Variants in MYADM observed in about 807,000 individuals in gnomAD.
MYADM encodes myeloid-associated differentiation marker.
For synonymous variants in MYADM, 224 were observed against 210.2 expected (o/e 1.07, Z -0.57); for missense variants, 416 against 443.4 (o/e 0.94, Z 0.56).
chr19:53,873,969 C>T lies in MYADM; in HGVS notation c.440C>T (p.Ala147Val), dbSNP rs746019741. Residue 147 changes from alanine (A) to valine (V), a missense_variant, in exon 3 of 3, where the codon GCG (alanine) becomes GTG (valine). Coordinates refer to ENST00000391770, the MANE Select transcript of MYADM (RefSeq NM_138373.5). The surrounding 1 kb of genome is among the most constrained non-coding windows in gnomAD (Gnocchi z 4.3). ...GCCGCCACCTTCTTCTCCTGCATCGCGTGTGTGGCTTACGCCACCGAAGTG... is the reference window on the plus strand; with the variant it reads ...GCCGCCACCTTCTTCTCCTGCATCGTGTGTGTGGCTTACGCCACCGAAGTG... ...AIAATFFSCIACVAYATEVAW... is the reference protein window; with the variant it reads ...AIAATFFSCIVCVAYATEVAW... The T allele has an allele frequency of 1.6e-5, 26 of 1,609,946 alleles. 1 individual carries two copies. The highest frequency in any genetic ancestry group is 1.5e-4 in the South Asian group (14 of 91,092).
In MYADM at chr19:53,873,940, C is replaced by T. The variant is rs1477429273; in HGVS notation, c.411C>T (p.Ala137=). 6.2e-7 allele frequency: 1 copy of T among 1,611,296 alleles called. No individual in the cohort carries two copies. The part of the protein sequence containing the change: ...FLSHGRSRDH[A]IAATFFSCIA... ...CCCACGGCCGTTCGCGGGACCACGCCATCGCCGCCACCTTCTTCTCCTGCA... is the reference window on the plus strand; with the variant it reads ...CCCACGGCCGTTCGCGGGACCACGCTATCGCCGCCACCTTCTTCTCCTGCA... The change falls in exon 3 of 3, where the codon GCC becomes GCT. Residue 137 remains alanine (A), a synonymous_variant. Transcript: ENST00000391770. The surrounding 1 kb of genome is among the most constrained non-coding windows in gnomAD (Gnocchi z 4.3).
Position 53,874,740 on chromosome 19 carries a change from T to C in MYADM, c.*242T>C. 2.3e-6 allele frequency: 1 copy of C among 426,050 alleles called. No homozygotes were observed. The highest frequency in any genetic ancestry group is 4.3e-6 in the Non-Finnish European group (1 of 233,738). 26.4% of individuals were successfully genotyped at this position (426,050 alleles called of 1,614,324 possible). The stretch of plus-strand genomic sequence containing the variant: ...GTTGTTTTGTTGCCCACATCCTGTT[T>C]TCACCCCTGAGCTGTTTCTCTTTTT... On this transcript the variant is annotated 3_prime_UTR_variant, in exon 3 of 3. Coordinates refer to ENST00000391770, the MANE Select transcript of MYADM (RefSeq NM_138373.5).
In MYADM at chr19:53,874,330, T is replaced by TGGC. The variant is rs749826252; in HGVS notation, c.805_807dup (p.Gly269dup). 6.2e-7 allele frequency: 1 copy of TGGC among 1,613,134 alleles called. No homozygotes were observed. Among genetic ancestry groups the TGGC allele is most frequent in the Non-Finnish European group, 8.5e-7 (1 of 1,179,192 alleles). ...CCCTCTACCAGTTCGATGAGAAGTA[T>TGGC]GGCGGCCAGCCTCGGCGCTCGAGAG... On this transcript the variant is annotated inframe_insertion, in exon 3 of 3. Transcript: ENST00000391770.
rs1247897720 is a variant in MYADM, at chr19:53,868,857, TCCCC to T, written c.-87-896_-87-893del. ...GGCGGGGTGGACCCCTCCCCTCCCCTCCCCTCGGCGCGCCCCCCTCCCCTGCGCG... is the reference window on the plus strand; with the variant it reads ...GGCGGGGTGGACCCCTCCCCTCCCCTTCGGCGCGCCCCCCTCCCCTGCGCG... On this transcript the variant is annotated intron_variant, in intron 1 of 2. Transcript: ENST00000391770. The surrounding 1 kb of genome is among the most constrained non-coding windows in gnomAD (Gnocchi z 6.3). The T allele has an allele frequency of 7.0e-6, 1 of 141,980 alleles. No individual in the cohort carries two copies. Among genetic ancestry groups the T allele is most frequent in the African/African-American group, 2.6e-5 (1 of 38,296 alleles). The allele number at this position is 141,980 out of a possible 1,614,324, so 8.8% of individuals were successfully genotyped here.
Position 53,873,867 on chromosome 19 carries a change from G to T in MYADM, c.338G>T (p.Cys113Phe). Residue 113 changes from cysteine (C) to phenylalanine (F), a missense_variant, in exon 3 of 3, where the codon TGC becomes TTC. By Grantham distance (205) the Cys-to-Phe change is radical. Transcript: ENST00000391770. The surrounding 1 kb of genome is among the most constrained non-coding windows in gnomAD (Gnocchi z 4.3). ...ITFACYAALF[C>F]LSASIIYPTT... The stretch of plus-strand genomic sequence containing the variant: ...TTCGCCTGCTATGCGGCCCTCTTCT[G>T]CCTCTCGGCCTCCATCATCTACCCC... 1 of 1,613,310 alleles carries T rather than the reference G, an allele frequency of 6.2e-7. No individual in the cohort carries two copies.
chr19:53,870,028 G>A (rs1379812169), intron 2 of MYADM, among the ~76,000 whole-genome samples, 190 bp downstream of exon 2: 1 of 123,164 alleles, frequency 8.1e-6, no homozygotes, highest in Non-Finnish European at 1.6e-5. Context: ...TCCTGGGTCC[G>A]AGGGAGGAGG....
rs1418841275 is a variant in MYADM at position 53,874,234 on chromosome 19, C to T, written c.705C>T (p.Pro235=). Residue 235 remains proline (P), a synonymous_variant, in exon 3 of 3, where the codon CCC becomes CCT. Coordinates refer to ENST00000391770, the MANE Select transcript of MYADM (RefSeq NM_138373.5). ...LGECTNVLPI[P]FPSFLSGLAL... Reference sequence around the variant, plus strand: ...AGTGCACCAACGTGCTACCCATCCCCTTCCCCAGCTTCCTGTCGGGGCTGG... The same window carrying T: ...AGTGCACCAACGTGCTACCCATCCCTTTCCCCAGCTTCCTGTCGGGGCTGG... 1.2e-6 allele frequency: 2 copies of T among 1,610,852 alleles called. No individual in the cohort carries two copies. Among genetic ancestry groups the T allele is most frequent in the Non-Finnish European group, 1.7e-6 (2 of 1,177,818 alleles).
chr19:53,874,802 T>G lies in MYADM; in HGVS notation c.*304T>G, dbSNP rs1319724416. 1.1e-5 allele frequency: 2 copies of G among 175,174 alleles called. No individual in the cohort carries two copies. Among genetic ancestry groups the G allele is most frequent in the Non-Finnish European group, 1.3e-5 (1 of 79,562 alleles). The allele number at this position is 175,174 out of a possible 1,614,324, so 10.9% of individuals were successfully genotyped here. A position where few individuals can be genotyped will look rare whatever the true frequency, so the allele number is the denominator to read the frequency against. On this transcript the variant is annotated 3_prime_UTR_variant, in exon 3 of 3. Coordinates refer to ENST00000391770, the MANE Select transcript of MYADM (RefSeq NM_138373.5). ...TTTTTTTTTTTTTTTTTAAGACGGA[T>G]TCTCACTCTGTGGCCCAGGCTGGAG...
Position 53,868,351 on chromosome 19 carries a change from TAGGTGC to T in MYADM, c.-88+409_-88+414del, listed in dbSNP as rs1254161466. Among the ~76,000 whole-genome samples the T allele has an allele frequency of 6.6e-6, 1 of 151,804 alleles. No homozygotes were observed. The highest frequency in any genetic ancestry group is 6.6e-5 in the Admixed American group (1 of 15,244). ...GCGGGAGTAGAGAGATGGGGACTCG[TAGGTGC>T]CCTAGTTGGAGGCTGGAATCTGGTA... is the stretch of plus-strand genomic sequence containing the variant. On this transcript the variant is annotated intron_variant, in intron 1 of 2. Transcript: ENST00000391770. The surrounding 1 kb of genome is among the most constrained non-coding windows in gnomAD (Gnocchi z 6.3).
Position 53,876,230 on chromosome 19 carries a change from C to G in MYADM, c.*1732C>G, listed in dbSNP as rs1275391577. On this transcript the variant is annotated 3_prime_UTR_variant, in exon 3 of 3. Coordinates refer to ENST00000391770, the MANE Select transcript of MYADM (RefSeq NM_138373.5). ...TGCTAGTTGCTTCTTGCTGCTGCTT[C>G]CTGCTTGTCTGGGACTCACATACAT... 6.1e-6 allele frequency: 1 copy of G among 164,420 alleles called. No individual in the cohort carries two copies. Among genetic ancestry groups the G allele is most frequent in the East Asian group, 2.0e-4 (1 of 5,126 alleles). 10.2% of individuals were successfully genotyped at this position (164,420 alleles called of 1,614,324 possible). A position where few individuals can be genotyped will look rare whatever the true frequency, so the allele number is the denominator to read the frequency against.
chr19:53,867,676 C>CT (rs918869292), upstream of MYADM, among the ~76,000 whole-genome samples: 38 of 152,210 alleles, frequency 2.5e-4, no homozygotes, highest in Non-Finnish European at 3.7e-4. Flanking sequence ...GCCCTCCACC[C>CT]TGCTCACTGG....
intron 2 of MYADM, among the ~76,000 whole-genome samples, chr19:53,871,388 G>T (rs192458282): frequency 6.6e-6 from 1 of 152,238 alleles, no homozygotes; most frequent in East Asian, 1.9e-4. Context: ...GGAGGTAGAT[G>T]GACTCAGTAT....
rs765057736 is a variant in MYADM at position 53,873,951 on chromosome 19, C to T, written c.422C>T (p.Thr141Ile). 8 of 1,610,692 alleles carry T rather than the reference C, an allele frequency of 5.0e-6. No homozygotes were observed. In the African/African-American group the frequency reaches 9.3e-5, roughly 19 times the overall value. ...TCGCGGGACCACGCCATCGCCGCCA[C>T]CTTCTTCTCCTGCATCGCGTGTGTG... ...GRSRDHAIAA[T>I]FFSCIACVAY... The change falls in exon 3 of 3, where the codon ACC becomes ATC. Residue 141 changes from threonine (T) to isoleucine (I), a missense_variant. Coordinates refer to ENST00000391770, the MANE Select transcript of MYADM (RefSeq NM_138373.5). The surrounding 1 kb of genome is among the most constrained non-coding windows in gnomAD (Gnocchi z 4.3).
intron 2 of MYADM, among the ~76,000 whole-genome samples, chr19:53,871,976 G>A (rs188157645): frequency 1.3e-5 from 2 of 151,994 alleles, no homozygotes; most frequent in East Asian, 3.9e-4. Context: ...TCGGCTCACT[G>A]CAACCTCCAC....
In MYADM at chr19:53,874,313, C is replaced by CAG; in HGVS notation, c.785_786dup (p.Phe263SerfsTer16). On this transcript the variant is annotated frameshift_variant, in exon 3 of 3. Transcript: ENST00000391770. LOFTEE classifies it low-confidence loss of function (END_TRUNC). ...CGCCCTTGTTCTCTGGCCCCTCTAC[C>CAG]AGTTCGATGAGAAGTATGGCGGCCA... 6.2e-7 allele frequency: 1 copy of CAG among 1,611,906 alleles called. No individual in the cohort carries two copies. The highest frequency in any genetic ancestry group is 8.5e-7 in the Non-Finnish European group (1 of 1,178,340).
chr19:53,868,813 G>A lies in MYADM; in HGVS notation c.-88+870G>A, dbSNP rs2068294228. The A allele has an allele frequency of 1.3e-5, 2 of 152,140 alleles. No individual in the cohort carries two copies. The highest frequency in any genetic ancestry group is 2.4e-5 in the African/African-American group (1 of 41,396). The allele number at this position is 152,140 out of a possible 1,614,324, so 9.4% of individuals were successfully genotyped here. Reference sequence around the variant, plus strand: ...GCATTCCTGAGCTCTGATCTCGGGCGATGGCTGGAGGCCCTAAGGGCGGGG... The same window carrying A: ...GCATTCCTGAGCTCTGATCTCGGGCAATGGCTGGAGGCCCTAAGGGCGGGG... On this transcript the variant is annotated intron_variant, in intron 1 of 2. Coordinates refer to ENST00000391770, the MANE Select transcript of MYADM (RefSeq NM_138373.5). The surrounding 1 kb of genome is among the most constrained non-coding windows in gnomAD (Gnocchi z 6.3).
At chr19:53,872,779 G>A (rs962879810) in intron 2 of MYADM, 2 of 152,578 alleles carry the variant, frequency 1.3e-5, no homozygotes, top group African/African-American at 4.8e-5. Flanking sequence ...TGGAGTGCTG[G>A]GATTACAGGC....
chr19:53,867,634 C>T (rs1208173077), upstream of MYADM, among the ~76,000 whole-genome samples: 1 of 152,206 alleles, frequency 6.6e-6, no homozygotes, highest in Non-Finnish European at 1.5e-5. Context: ...GTTGTGTCTT[C>T]CTGTTTTGTC....
chr19:53,874,777 T>TCA lies in MYADM; in HGVS notation c.*279_*280insCA. 1 of 166,878 alleles carries TCA rather than the reference T, an allele frequency of 6.0e-6. No individual in the cohort carries two copies. Among genetic ancestry groups the TCA allele is most frequent in the Non-Finnish European group, 1.3e-5 (1 of 78,760 alleles). 10.3% of individuals were successfully genotyped at this position (166,878 alleles called of 1,614,324 possible). On this transcript the variant is annotated 3_prime_UTR_variant, in exon 3 of 3. Coordinates refer to ENST00000391770, the MANE Select transcript of MYADM (RefSeq NM_138373.5). Reference sequence around the variant, plus strand: ...CTGTTTCTCTTTTTCTTTTCTTTTTTTTTTTTTTTTTTTTTTAAGACGGAT... The same window carrying TCA: ...CTGTTTCTCTTTTTCTTTTCTTTTTTCATTTTTTTTTTTTTTTTAAGACGGAT...
Sources: allele counts gnomAD v4.1 joint callset (sites outside exome capture counted in the v4.1 genomes callset), GRCh38; gene constraint gnomAD v4.1.1; non-coding constraint Gnocchi (gnomAD v3.1); transcripts MANE v1.5; gene names NCBI Gene and HGNC (gene_info 2026-07-23, HGNC 2026-07-21).